The following NLRP5 variants were observed in gnomAD, a reference collection of about 807,000 sequenced individuals.
NLRP5 encodes the protein NLR family pyrin domain containing 5.
A neutral mutation model predicts 113.1 loss-of-function variants in NLRP5; 93 were observed. The ratio of observed to expected loss-of-function variants is 0.82; its 90% CI spans 0.70 to 0.98. The LOEUF (loss-of-function observed/expected upper bound fraction) is 0.98, where lower values mean the gene tolerates loss of function less well. Among genes scored for constraint, NLRP5 ranks in the 50% least tolerant of loss-of-function variants. NLRP5 has a pLI of 0.00. For synonymous variants in NLRP5, 751 were observed against 600.7 expected, an observed-to-expected ratio of 1.25 and a Z score of -3.66; for missense variants, 1,808 against 1,514.3, an observed-to-expected ratio of 1.19 and a Z score of -3.22.
rs549172671 is a variant in NLRP5, at chr19:56,019,376, A to G, written c.600A>G (p.Thr200=). Residue 200 remains threonine (T), a synonymous_variant, in exon 5 of 15, where the codon ACA becomes ACG. Coordinates refer to ENST00000390649, the MANE Select transcript of NLRP5 (RefSeq NM_153447.4). ...AAGCTATGGAACAAGAAGGTGCCAC[A>G]GCAGCAGAGACAGAAGAACAAGGTG... is the stretch of plus-strand genomic sequence containing the variant. 6.2e-7 allele frequency: 1 copy of G among 1,613,906 alleles called. No individual in the cohort carries two copies. Among genetic ancestry groups the G allele is most frequent in the African/African-American group, 1.3e-5 (1 of 74,936 alleles).
chr19:56,045,964 T>C (rs981873986), intron 11 of NLRP5, among the ~76,000 whole-genome samples: 5 of 152,204 alleles, frequency 3.3e-5, no homozygotes, highest in Admixed American at 2.6e-4. Flanking sequence ...GATGTGTACA[T>C]GTGGGTCACA....
upstream of NLRP5, among the ~76,000 whole-genome samples, chr19:55,998,718 A>G (rs1158474802): frequency 1.7e-4 from 24 of 139,678 alleles, no homozygotes; most frequent in Non-Finnish European, 3.2e-4. Flanking sequence ...GTGTGTGTAT[A>G]TATATATATA....
chr19:56,038,420 G>T (rs940747938), intron 10 of NLRP5, among the ~76,000 whole-genome samples: 15 of 152,180 alleles, frequency 9.9e-5, no homozygotes, highest in African/African-American at 3.6e-4. Context: ...GGTGGACGCG[G>T]GAATCAGCCA....
intron 7 of NLRP5, among the ~76,000 whole-genome samples, chr19:56,029,721 G>C (rs1471099489): frequency 6.6e-6 from 1 of 151,984 alleles, no homozygotes; most frequent in Admixed American, 6.6e-5. Context: ...GATTACTTGA[G>C]GCCAGGTTTT....
In NLRP5 at chr19:56,007,347, G is replaced by T. The variant is rs954578268; in HGVS notation, c.443-1441G>T. On this transcript the variant is annotated intron_variant, in intron 2 of 14. Transcript: ENST00000390649. ...CCGTTGCACTCCAGCCTGGGCGACAGATTGAGACTGTCTTTTTTTTTTTTA... is the reference window on the plus strand; with the variant it reads ...CCGTTGCACTCCAGCCTGGGCGACATATTGAGACTGTCTTTTTTTTTTTTA... Among the ~76,000 whole-genome samples the T allele has an allele frequency of 9.6e-5, 12 of 125,014 alleles. 1 individual carries two copies. Among genetic ancestry groups the T allele is most frequent in the African/African-American group, 3.9e-4 (12 of 30,992 alleles). 82.0% of individuals were successfully genotyped at this position (125,014 alleles called of 152,430 possible).
intron 9 of NLRP5, among the ~76,000 whole-genome samples, chr19:56,037,115 G>A (rs1361204224): frequency 1.3e-5 from 2 of 152,182 alleles, no homozygotes; most frequent in African/African-American, 4.8e-5. Context: ...CTGAGTTGCA[G>A]AGATGCTAAG....
At chr19:56,056,062 C>G (rs1984139108) in intron 13 of NLRP5, among the ~76,000 whole-genome samples, 2 of 152,144 alleles carry the variant, frequency 1.3e-5, no homozygotes. Flanking sequence ...GTTGTCTGGT[C>G]CACTCGTTTT....
rs1039093960 is a variant in NLRP5 at position 56,008,252 on chromosome 19, T to C, written c.443-536T>C. Among the ~76,000 whole-genome samples the C allele has an allele frequency of 4.6e-5, 7 of 152,122 alleles. No homozygotes were observed. The East Asian group carries it at 1.4e-3, about 30-fold the overall frequency. On this transcript the variant is annotated intron_variant, in intron 2 of 14. Transcript: ENST00000390649. Reference sequence around the variant, plus strand: ...CACAAGACAGTTTTTAAGAACTAAATGCAGAGAGAGAGAACGCAGTGTCAT... The same window carrying C: ...CACAAGACAGTTTTTAAGAACTAAACGCAGAGAGAGAGAACGCAGTGTCAT...
intron 1 of NLRP5, among the ~76,000 whole-genome samples, chr19:56,000,405 C>A (rs1048382530): frequency 4.2e-4 from 64 of 152,054 alleles, no homozygotes; most frequent in African/African-American, 1.4e-3. Context: ...CATTCTGTCA[C>A]CCAGGCTGGA....
At chr19:56,031,703 C>CTA (rs2123311445) in intron 7 of NLRP5, among the ~76,000 whole-genome samples, 1 of 152,134 alleles carries the variant, frequency 6.6e-6, no homozygotes, top group African/African-American at 2.4e-5. Context: ...TATAGCTCAC[C>CTA]TAACATAATA....
intron 12 of NLRP5, 64 bp from the exon 13 acceptor site, chr19:56,053,574 C>T (rs182127151): frequency 1.6e-5 from 23 of 1,447,246 alleles, no homozygotes; most frequent in Admixed American, 2.1e-5. Flanking sequence ...TGCTGCTGAA[C>T]CTTCTCCCGC....
intron 7 of NLRP5, among the ~76,000 whole-genome samples, chr19:56,029,754 G>A (rs1440392270): frequency 1.3e-5 from 2 of 151,974 alleles, no homozygotes; most frequent in East Asian, 1.9e-4. Flanking sequence ...GGGCAACAAA[G>A]TAAGACCCTG....
chr19:56,008,854 G>GT lies in NLRP5; in HGVS notation c.508+3dup, dbSNP rs1982061168. 1.9e-6 allele frequency: 3 copies of GT among 1,611,690 alleles called. No individual in the cohort carries two copies. Among genetic ancestry groups the GT allele is most frequent in the Admixed American group, 1.7e-5 (1 of 59,600 alleles). Reference sequence around the variant, plus strand: ...GGACCAAGCAAGGAAAAAGTGCCAGGTTAGAGGGGTGGAGTTGGGGGAAAT... The same window carrying GT: ...GGACCAAGCAAGGAAAAAGTGCCAGGTTTAGAGGGGTGGAGTTGGGGGAAAT... On this transcript the variant is annotated splice_donor_variant, in intron 3 of 14. Coordinates refer to ENST00000390649, the MANE Select transcript of NLRP5 (RefSeq NM_153447.4). LOFTEE classifies it high-confidence loss of function.
rs1387534522 is a variant in NLRP5 at position 56,055,568 on chromosome 19, TAG to T, written c.3299+1763_3299+1764del. On this transcript the variant is annotated intron_variant, in intron 13 of 14. Coordinates refer to ENST00000390649, the MANE Select transcript of NLRP5 (RefSeq NM_153447.4). ...TTTTTTTTTTTTTTTTTTTTTAAGA[TAG>T]AGTCTTGCTCTGTCCCCCAGGCTGG... Among the ~76,000 whole-genome samples, 12 of 125,456 alleles carry T rather than the reference TAG, an allele frequency of 9.6e-5. 1 individual carries two copies. In the East Asian group the frequency reaches 1.1e-3, roughly 11 times the overall value. The allele number at this position is 125,456 out of a possible 152,430, so 82.3% of individuals were successfully genotyped here. A position where few individuals can be genotyped will look rare whatever the true frequency, so the allele number is the denominator to read the frequency against.
At chr19:55,987,844 C>G in the NLRP5 span, 1 of 1,614,048 alleles carries the variant, frequency 6.2e-7, no homozygotes, top group Non-Finnish European at 8.5e-7. Flanking sequence ...GAATAACTAG[C>G]TTCTCCCCAA....
chr19:56,004,125 A>G (rs1568481030), intron 2 of NLRP5, 30 bp downstream of exon 2: 19 of 1,560,934 alleles, frequency 1.2e-5, no homozygotes, highest in Non-Finnish European at 1.6e-5. Context: ...AGTCTAGGGC[A>G]GGGAGGGGAG....
the NLRP5 span, chr19:55,988,149 T>A: frequency 3.1e-6 from 1 of 323,858 alleles, no homozygotes; most frequent in Non-Finnish European, 5.8e-6. Flanking sequence ...CCCAGCACTA[T>A]GGGAGGTCGA....
rs1983397027 is a variant in NLRP5, at chr19:56,038,344, G to T, written c.2786+149G>T. 4 of 780,988 alleles carry T rather than the reference G, an allele frequency of 5.1e-6. No homozygotes were observed. In the African/African-American group the frequency reaches 5.2e-5, roughly 10 times the overall value. The allele number at this position is 780,988 out of a possible 1,614,324, so 48.4% of individuals were successfully genotyped here. On this transcript the variant is annotated intron_variant, in intron 10 of 14. Transcript: ENST00000390649. ...GTTGGGACCTCCCAAGACCTGCCCA[G>T]TGTGGGGTGTAAGAGTGACCTGAAA... is the stretch of plus-strand genomic sequence containing the variant.
intron 4 of NLRP5, among the ~76,000 whole-genome samples, 162 bp downstream of exon 4, chr19:56,015,960 C>G (rs1982387880): frequency 6.6e-6 from 1 of 152,062 alleles, no homozygotes; most frequent in African/African-American, 2.4e-5. Context: ...GGGATCAGCA[C>G]CATGGACAGA....
Sources: gnomAD v4.1 joint callset for allele counts (sites outside exome capture counted in the v4.1 genomes callset) on GRCh38, gnomAD v4.1.1 for gene constraint, MANE v1.5 for transcripts, NCBI Gene and HGNC (gene_info 2026-07-23, HGNC 2026-07-21) for gene names.